The following SLC22A24 variants were observed in gnomAD, a reference collection of about 807,000 sequenced individuals.
SLC22A24 encodes solute carrier family 22 member 24, also known as steroid transmembrane transporter SLC22A24.
In SLC22A24, 53 loss-of-function variants were observed where a neutral mutation model predicts 49.8. That is an observed-to-expected ratio of 1.06 (90% CI 0.85 to 1.34). The LOEUF (loss-of-function observed/expected upper bound fraction) is 1.34, where lower values mean the gene tolerates loss of function less well. SLC22A24 is among the 40% of genes most tolerant of loss of function. SLC22A24 has a pLI of 0.00. For synonymous variants in SLC22A24, 302 were observed against 256.4 expected, an observed-to-expected ratio of 1.18 and a Z score of -1.70; for missense variants, 786 against 675.9, an observed-to-expected ratio of 1.16 and a Z score of -1.81.
intron 6 of SLC22A24, among the ~76,000 whole-genome samples, chr11:63,091,133 G>A (rs944640570): frequency 4.6e-5 from 7 of 152,152 alleles, no homozygotes; most frequent in East Asian, 1.9e-4. Flanking sequence ...ACACCTCTAC[G>A]CAAATAAACT....
At chr11:63,098,614 G>T (rs2087070040) in intron 5 of SLC22A24, among the ~76,000 whole-genome samples, 1 of 152,116 alleles carries the variant, frequency 6.6e-6, no homozygotes, top group Non-Finnish European at 1.5e-5. Flanking sequence ...AGTAAGCCAA[G>T]ATTACACCAC....
At chr11:63,117,218 T>G (rs188035324) in intron 4 of SLC22A24, among the ~76,000 whole-genome samples, 3 of 152,316 alleles carry the variant, frequency 2.0e-5, no homozygotes, top group African/African-American at 4.8e-5. Context: ...CTTCCCTCTT[T>G]CTCAATGTTT....
chr11:63,083,495 G>C, intron 6 of SLC22A24, 38 bp from the exon 7 acceptor site: 1 of 1,471,280 alleles, frequency 6.8e-7, no homozygotes, highest in Non-Finnish European at 9.3e-7. Context: ...TATTCAATAA[G>C]ATTTAAAGCC....
intron 2 of SLC22A24, among the ~76,000 whole-genome samples, chr11:63,125,455 G>T (rs1021025518): frequency 6.6e-6 from 1 of 152,066 alleles, no homozygotes; most frequent in Admixed American, 6.6e-5. Context: ...ATGGTTTCTA[G>T]CTTCATCCAT....
intron 9 of SLC22A24, among the ~76,000 whole-genome samples, chr11:63,080,644 G>T (rs569575412): frequency 6.6e-6 from 1 of 152,324 alleles, no homozygotes; most frequent in East Asian, 1.9e-4. Flanking sequence ...AGGGCAGAAA[G>T]TATGTGCCAC....
At chr11:63,080,118 G>T in intron 9 of SLC22A24, 118 bp from the exon 10 acceptor site, 1 of 632,346 alleles carries the variant, frequency 1.6e-6, no homozygotes, top group Non-Finnish European at 2.7e-6. Context: ...CACCAGCATT[G>T]TAATCCAAGA....
At chr11:63,139,690 G>T (rs112213459) in intron 1 of SLC22A24, among the ~76,000 whole-genome samples, 1,548 of 152,266 alleles carry the variant, frequency 0.01, 29 homozygotes, top group African/African-American at 0.035. Flanking sequence ...TTCTCCCAAA[G>T]TATTTCCCTC....
intron 2 of SLC22A24, 29 bp downstream of exon 2, chr11:63,134,636 A>T: frequency 1.6e-6 from 2 of 1,256,460 alleles, no homozygotes; most frequent in Non-Finnish European, 2.3e-6. Context: ...TCTGATAAAC[A>T]GCCCCAAAGA....
chr11:63,121,289 T>C (rs59838445), intron 2 of SLC22A24, among the ~76,000 whole-genome samples: 3,970 of 152,268 alleles, frequency 0.026, 148 homozygotes, highest in African/African-American at 0.089. Flanking sequence ...CTAAAATTGC[T>C]ATAAAAATTA....
intron 6 of SLC22A24, among the ~76,000 whole-genome samples, chr11:63,089,194 G>A (rs1335566059): frequency 6.6e-6 from 1 of 152,110 alleles, no homozygotes; most frequent in Non-Finnish European, 1.5e-5. Flanking sequence ...ACCTACAAAG[G>A]GAACCCCATC....
At chr11:63,113,179 T>TAC (rs1332860853) in intron 4 of SLC22A24, among the ~76,000 whole-genome samples, 5 of 4,640 alleles carry the variant, frequency 1.1e-3, no homozygotes, top group African/African-American at 1.6e-3. Context: ...TATATATACA[T>TAC]ATATATATAC....
chr11:63,085,453 T>TA (rs1255464034), intron 6 of SLC22A24, among the ~76,000 whole-genome samples: 1 of 152,152 alleles, frequency 6.6e-6, no homozygotes, highest in Non-Finnish European at 1.5e-5. Context: ...AATAGTACAT[T>TA]AAAAAATATA....
chr11:63,092,531 T>TGGTACTGATATATATATATATATATATGG (rs1555046034), intron 6 of SLC22A24, among the ~76,000 whole-genome samples: 3 of 100,446 alleles, frequency 3.0e-5, no homozygotes, highest in African/African-American at 9.4e-5. Context: ...CAAAACAGCA[T>TGGTACTGATATATATATATATATATATGG]AACACCGCAC....
intron 2 of SLC22A24, among the ~76,000 whole-genome samples, chr11:63,131,910 G>A (rs1439855182): frequency 6.6e-6 from 1 of 152,106 alleles, no homozygotes; most frequent in South Asian, 2.1e-4. Flanking sequence ...TCACTTTCAG[G>A]TACACCAATC....
intron 4 of SLC22A24, among the ~76,000 whole-genome samples, chr11:63,113,657 C>T (rs2087191791): frequency 6.6e-6 from 1 of 151,990 alleles, no homozygotes; most frequent in African/African-American, 2.4e-5. Flanking sequence ...GGATCGAGAA[C>T]ATCCTGGCTA....
intron 1 of SLC22A24, among the ~76,000 whole-genome samples, chr11:63,143,089 G>A (rs2087426672): frequency 1.3e-5 from 2 of 152,132 alleles, no homozygotes; most frequent in Non-Finnish European, 2.9e-5. Context: ...TGTGTTGATT[G>A]TAATGGTTCC....
chr11:63,081,426 T>C, intron 8 of SLC22A24, 132 bp downstream of exon 8: 1 of 697,882 alleles, frequency 1.4e-6, no homozygotes, highest in Non-Finnish European at 2.5e-6. Context: ...TATATGGCTC[T>C]CAGTTACTCT....
At chr11:63,131,405 G>C (rs1371828616) in intron 2 of SLC22A24, among the ~76,000 whole-genome samples, 2 of 152,162 alleles carry the variant, frequency 1.3e-5, no homozygotes, top group Admixed American at 6.5e-5. Context: ...TGTTTTTGCA[G>C]TGGCTGGTAC....
chr11:63,088,905 C>T (rs900129108), intron 6 of SLC22A24, among the ~76,000 whole-genome samples: 1 of 151,976 alleles, frequency 6.6e-6, no homozygotes, highest in African/African-American at 2.4e-5. Flanking sequence ...TGAACAAAGC[C>T]TCCAAGAAAC....
Sources: gnomAD v4.1 joint callset for allele counts (sites outside exome capture counted in the v4.1 genomes callset) on GRCh38, gnomAD v4.1.1 for gene constraint, MANE v1.5 for transcripts, NCBI Gene and HGNC (gene_info 2026-07-23, HGNC 2026-07-21) for gene names.